GRM5: variants seen among roughly 807,000 people sequenced by gnomAD.
GRM5 encodes the protein metabotropic glutamate receptor 5.
GRM5 carries 19 observed loss-of-function variants against 83.1 expected under a neutral mutation model. That is an observed-to-expected ratio of 0.23 (90% CI 0.16 to 0.34). GRM5 has a LOEUF of 0.34. Ranked by LOEUF, GRM5 falls within the 10% of genes least tolerant of loss-of-function variation. The probability of loss-of-function intolerance (pLI) is 1.00; values close to 1 mark genes in which losing one functional copy is unlikely to be tolerated. For missense variants in GRM5, 1,160 were observed against 1,588.3 expected, an observed-to-expected ratio of 0.73 and a Z score of 4.58; for synonymous variants, 675 against 633.6, an observed-to-expected ratio of 1.07 and a Z score of -0.98.
chr11:88,584,500 C>T (rs1264135474), intron 7 of GRM5, among the ~76,000 whole-genome samples: 1 of 152,096 alleles, frequency 6.6e-6, no homozygotes, highest in African/African-American at 2.4e-5. Context: ...GTGGCATGAT[C>T]TCCACTCACT....
intron 9 of GRM5, among the ~76,000 whole-genome samples, chr11:88,519,631 A>AT (rs1472085470): frequency 6.6e-6 from 1 of 152,170 alleles, no homozygotes; most frequent in Non-Finnish European, 1.5e-5. Flanking sequence ...GAGAACATGA[A>AT]TTTTAAAACA....
At chr11:88,530,161 A>G (rs1307476545) in intron 8 of GRM5, among the ~76,000 whole-genome samples, 2 of 152,038 alleles carry the variant, frequency 1.3e-5, no homozygotes, top group Non-Finnish European at 2.9e-5. Context: ...CTGTCCAAAA[A>G]CTTTTATAAC....
At chr11:88,625,820 A>T (rs1334396916) in intron 4 of GRM5, among the ~76,000 whole-genome samples, 1 of 152,208 alleles carries the variant, frequency 6.6e-6, no homozygotes, top group African/African-American at 2.4e-5. Flanking sequence ...AAAAAATCAG[A>T]CAAACAGCAA....
intron 9 of GRM5, among the ~76,000 whole-genome samples, chr11:88,519,816 G>A (rs1941628686): frequency 6.6e-6 from 1 of 152,172 alleles, no homozygotes; most frequent in Non-Finnish European, 1.5e-5. Flanking sequence ...GATAGTAAGA[G>A]CACATGCTAA....
At chr11:88,898,532 AAG>A (rs776954159) in intron 2 of GRM5, among the ~76,000 whole-genome samples, 2 of 151,986 alleles carry the variant, frequency 1.3e-5, no homozygotes, top group Non-Finnish European at 2.9e-5. Context: ...TAAATGGACT[AAG>A]AAATAAACTA....
intron 2 of GRM5, among the ~76,000 whole-genome samples, chr11:88,960,063 CG>C (rs1011090876): frequency 3.3e-5 from 5 of 152,052 alleles, no homozygotes; most frequent in Admixed American, 3.3e-4. Context: ...ATGTTCTCAG[CG>C]GAGGAAACTG....
intron 3 of GRM5, among the ~76,000 whole-genome samples, chr11:88,826,805 T>C (rs1209880476): frequency 6.6e-6 from 1 of 152,214 alleles, no homozygotes; most frequent in East Asian, 1.9e-4. Flanking sequence ...CAAGACTATG[T>C]AGACTTTTAG....
intron 3 of GRM5, among the ~76,000 whole-genome samples, chr11:88,698,603 T>C (rs1323647921): frequency 6.6e-6 from 1 of 152,166 alleles, no homozygotes; most frequent in Non-Finnish European, 1.5e-5. Context: ...CCAGATTTGA[T>C]CTAGTTACTG....
chr11:88,680,178 C>A (rs973917011), intron 3 of GRM5, among the ~76,000 whole-genome samples: 59 of 152,030 alleles, frequency 3.9e-4, no homozygotes, highest in Non-Finnish European at 1.0e-4. Context: ...TGTGCTGCAC[C>A]CAATAACTTA....
intron 3 of GRM5, among the ~76,000 whole-genome samples, chr11:88,769,618 T>C (rs1228460425): frequency 6.6e-6 from 1 of 151,844 alleles, no homozygotes; most frequent in Non-Finnish European, 1.5e-5. Context: ...CAAAATACAT[T>C]GATGGCAGTA....
rs533642578 is a variant in GRM5 at position 88,525,953 on chromosome 11, A to G, written c.2631-549T>C. On this transcript the variant is annotated intron_variant, in intron 8 of 9. Transcript: ENST00000305447. ...TGAATACAGGGAATCTAAGTTTAGA[A>G]CCCACACTTCAGCCATTATAATGTG... Among the ~76,000 whole-genome samples the G allele has an allele frequency of 2.0e-5, 3 of 152,356 alleles. No homozygotes were observed. The East Asian group carries it at 5.8e-4, about 29-fold the overall frequency.
chr11:88,737,755 A>G (rs1941949432), intron 3 of GRM5, among the ~76,000 whole-genome samples: 1 of 152,108 alleles, frequency 6.6e-6, no homozygotes, highest in Non-Finnish European at 1.5e-5. Context: ...GATTTTTATC[A>G]CATCTAATCT....
At chr11:88,642,386 C>T (rs1335000374) in intron 4 of GRM5, among the ~76,000 whole-genome samples, 2 of 152,138 alleles carry the variant, frequency 1.3e-5, no homozygotes, top group Non-Finnish European at 2.9e-5. Context: ...CTCTGAAATG[C>T]CTAAGCGGCC....
chr11:88,609,953 C>A (rs1168850113), intron 4 of GRM5, among the ~76,000 whole-genome samples: 1 of 152,290 alleles, frequency 6.6e-6, no homozygotes, highest in South Asian at 2.1e-4. Flanking sequence ...CTGCATACAG[C>A]TAGCCAGTGA....
chr11:88,863,456 T>C (rs1381760900), intron 2 of GRM5, among the ~76,000 whole-genome samples: 1 of 152,092 alleles, frequency 6.6e-6, no homozygotes, highest in African/African-American at 2.4e-5. Flanking sequence ...ATCATGTCCT[T>C]TGCAGGGACA....
At chr11:88,710,658 G>A (rs907665161) in intron 3 of GRM5, among the ~76,000 whole-genome samples, 2 of 152,110 alleles carry the variant, frequency 1.3e-5, no homozygotes, top group East Asian at 1.9e-4. Flanking sequence ...TTAATTCTGC[G>A]AATTAACTTG....
At chr11:88,579,999 A>G (rs762653407) in intron 7 of GRM5, among the ~76,000 whole-genome samples, 2 of 152,204 alleles carry the variant, frequency 1.3e-5, no homozygotes. Flanking sequence ...AATTTGGGAT[A>G]TGAAGGATTA....
At chr11:88,772,438 TTTA>T (rs1348437647) in intron 3 of GRM5, among the ~76,000 whole-genome samples, 1 of 151,124 alleles carries the variant, frequency 6.6e-6, no homozygotes, top group Non-Finnish European at 1.5e-5. Context: ...TGGCCCTTTA[TTTA>T]TTTTTATTCA....
At chr11:88,772,473 A>C (rs1007223656) in intron 3 of GRM5, among the ~76,000 whole-genome samples, 2 of 150,402 alleles carry the variant, frequency 1.3e-5, no homozygotes, top group African/African-American at 4.9e-5. Context: ...ATTGTACTTT[A>C]AGTTCTAGAG....
Sources: allele counts gnomAD v4.1 joint callset (sites outside exome capture counted in the v4.1 genomes callset), GRCh38; gene constraint gnomAD v4.1.1; transcripts MANE v1.5; gene names NCBI Gene and HGNC (gene_info 2026-07-23, HGNC 2026-07-21).